The following DIAPH2 variants were observed in gnomAD, a reference collection of about 807,000 sequenced individuals.
DIAPH2 encodes protein diaphanous homolog 2.
A neutral mutation model predicts 92.7 loss-of-function variants in DIAPH2; 35 were observed. That is an observed-to-expected ratio of 0.38 (90% CI 0.29 to 0.50). DIAPH2 has a LOEUF of 0.50. Among genes scored for constraint, DIAPH2 ranks in the 20% least tolerant of loss-of-function variants. The pLI is 0.94. For missense variants in DIAPH2, 701 were observed against 819.5 expected (o/e 0.86, Z 1.77); for synonymous variants, 301 against 280.4 (o/e 1.07, Z -0.73).
chrX:96,762,346 C>T (rs1162108967), intron 4 of DIAPH2, among the ~76,000 whole-genome samples: 3 of 111,368 alleles, frequency 2.7e-5, no homozygotes, highest in African/African-American at 9.7e-5. Context: ...TGAACTATTT[C>T]CTCCTTCTGA....
At position 97,007,768 on chromosome X, in the gene DIAPH2, T is replaced by TC. The variant is rs1316520542; in HGVS notation, c.2050+42561_2050+42562insC. On this transcript the variant is annotated intron_variant, in intron 17 of 26. Transcript: ENST00000324765. ...AGGCTGTTTTCTTTTTTTCTTTTTT[T>TC]TTTTTTTTTTTTGAGATGGAGTCTT... is the stretch of plus-strand genomic sequence containing the variant. 6.2e-5 allele frequency among the ~76,000 whole-genome samples: 6 copies of TC among 96,471 alleles called. No homozygotes were observed. In the East Asian group the frequency reaches 1.9e-3, roughly 30 times the overall value. The allele number at this position is 96,471 out of a possible 115,157, so 83.8% of individuals were successfully genotyped here. A position where few individuals can be genotyped will look rare whatever the true frequency, so the allele number is the denominator to read the frequency against.
At chrX:97,011,183 T>G (rs961024826) in intron 17 of DIAPH2, among the ~76,000 whole-genome samples, 1 of 112,551 alleles carries the variant, frequency 8.9e-6, no homozygotes, top group Non-Finnish European at 1.9e-5. Flanking sequence ...ACACTCAAAG[T>G]ATTCTTCTCT....
chrX:97,060,143 G>T (rs187297450), intron 17 of DIAPH2, among the ~76,000 whole-genome samples: 1 of 112,416 alleles, frequency 8.9e-6, no homozygotes, highest in Non-Finnish European at 1.9e-5. Context: ...AGCATTCTGC[G>T]CTAAAAGCAG....
chrX:97,501,931 T>A (rs1211823779), intron 26 of DIAPH2, among the ~76,000 whole-genome samples: 1 of 110,928 alleles, frequency 9.0e-6, no homozygotes, highest in Non-Finnish European at 1.9e-5. Flanking sequence ...GCCTCCCGAG[T>A]AGCTGGGATT....
At chrX:96,904,117 A>G (rs953369300) in intron 5 of DIAPH2, among the ~76,000 whole-genome samples, 2 of 112,028 alleles carry the variant, frequency 1.8e-5, no homozygotes, top group Non-Finnish European at 3.8e-5. Context: ...TGATAGAATA[A>G]ACGCAGCCAG....
intron 19 of DIAPH2, among the ~76,000 whole-genome samples, chrX:97,079,273 G>T (rs769003207): frequency 9.0e-6 from 1 of 111,240 alleles, no homozygotes; most frequent in South Asian, 3.8e-4. Flanking sequence ...CAAATTGTGT[G>T]CTTAGGAAAG....
chrX:97,409,422 G>A (rs2069844227), intron 25 of DIAPH2, among the ~76,000 whole-genome samples: 2 of 111,442 alleles, frequency 1.8e-5, no homozygotes, highest in South Asian at 7.7e-4. Flanking sequence ...GGCCAAATAG[G>A]AACAGCTGCA....
intron 17 of DIAPH2, among the ~76,000 whole-genome samples, chrX:97,007,235 A>G (rs1227511720): frequency 8.9e-6 from 1 of 111,783 alleles, no homozygotes; most frequent in Non-Finnish European, 1.9e-5. Context: ...GCGTTACAAT[A>G]TCCTGTGTTT....
At chrX:97,323,859 C>T (rs1375429652) in intron 23 of DIAPH2, among the ~76,000 whole-genome samples, 2 of 101,448 alleles carry the variant, frequency 2.0e-5, no homozygotes, top group African/African-American at 7.3e-5. Context: ...GCCGAGATCA[C>T]GCCATTGCAC....
intron 24 of DIAPH2, among the ~76,000 whole-genome samples, chrX:97,377,776 TA>T (rs2069514715): frequency 9.0e-6 from 1 of 111,502 alleles, no homozygotes; most frequent in African/African-American, 3.3e-5. Context: ...CTATTATTTT[TA>T]CTCTGGCCAT....
intron 17 of DIAPH2, among the ~76,000 whole-genome samples, chrX:96,978,513 C>G (rs2065975668): frequency 9.1e-6 from 1 of 110,406 alleles, no homozygotes; most frequent in South Asian, 3.9e-4. Context: ...AAAATTATAA[C>G]AGAAAAATAT....
intron 19 of DIAPH2, among the ~76,000 whole-genome samples, chrX:97,079,849 G>A (rs1039478856): frequency 9.0e-6 from 1 of 111,451 alleles, no homozygotes; most frequent in Admixed American, 9.5e-5. Context: ...AAGGAGTGAT[G>A]AATAAGAGAA....
intron 23 of DIAPH2, among the ~76,000 whole-genome samples, chrX:97,265,367 C>G (rs1429132725): frequency 8.9e-6 from 1 of 111,772 alleles, no homozygotes; most frequent in Non-Finnish European, 1.9e-5. Context: ...CCTTCAGTCT[C>G]AGAGAGTAAT....
intron 17 of DIAPH2, among the ~76,000 whole-genome samples, chrX:97,001,907 C>T (rs1199884109): frequency 9.1e-6 from 1 of 110,318 alleles, no homozygotes; most frequent in Admixed American, 9.7e-5. Context: ...GTTGATTTTT[C>T]CAAATAGGGT....
chrX:97,365,852 C>T (rs993842189), intron 24 of DIAPH2, among the ~76,000 whole-genome samples: 11 of 109,776 alleles, frequency 1.0e-4, no homozygotes, highest in Non-Finnish European at 3.8e-5. Context: ...CAGGTGCACA[C>T]CACCATGCCC....
At chrX:97,157,749 A>T (rs1412230519) in intron 22 of DIAPH2, among the ~76,000 whole-genome samples, 1 of 111,979 alleles carries the variant, frequency 8.9e-6, no homozygotes, top group Non-Finnish European at 1.9e-5. Context: ...ACAGAAGTAC[A>T]TAGAAAGGAA....
At chrX:96,836,888 C>T (rs1297766375) in intron 4 of DIAPH2, among the ~76,000 whole-genome samples, 2 of 99,529 alleles carry the variant, frequency 2.0e-5, no homozygotes, top group Admixed American at 1.1e-4. Flanking sequence ...CTACCACGCC[C>T]GGCTAATTTT....
intron 4 of DIAPH2, among the ~76,000 whole-genome samples, chrX:96,802,777 C>T (rs938930313): frequency 1.8e-5 from 2 of 111,345 alleles, no homozygotes; most frequent in Admixed American, 9.5e-5. Flanking sequence ...CCGCAATAGG[C>T]CATCTGCAAG....
intron 5 of DIAPH2, 130 bp downstream of exon 5, chrX:96,881,848 C>A: frequency 1.5e-6 from 1 of 661,155 alleles, no homozygotes; most frequent in Non-Finnish European, 2.2e-6. Context: ...AATAAAACAG[C>A]AGCATCTGAT....
Sources: allele counts gnomAD v4.1 joint callset (sites outside exome capture counted in the v4.1 genomes callset), GRCh38; gene constraint gnomAD v4.1.1; transcripts MANE v1.5; gene names NCBI Gene and HGNC (gene_info 2026-07-23, HGNC 2026-07-21).